SLC15A5: variants seen among roughly 807,000 people sequenced by gnomAD.
SLC15A5 encodes Peptide/histidine transporter ENSP00000340402.
A neutral mutation model predicts 56.1 loss-of-function variants in SLC15A5; 58 were observed. The ratio of observed to expected loss-of-function variants is 1.03; its 90% CI spans 0.84 to 1.29. The LOEUF is 1.29. Ranked by LOEUF, SLC15A5 falls within the 50% of genes most tolerant of loss-of-function variation. The pLI is 0.00. For synonymous variants in SLC15A5, 264 were observed against 250.5 expected, an observed-to-expected ratio of 1.05 and a Z score of -0.51; for missense variants, 681 against 672.1, an observed-to-expected ratio of 1.01 and a Z score of -0.15.
intron 1 of SLC15A5, among the ~76,000 whole-genome samples, chr12:16,276,813 G>C (rs1273909319): frequency 2.0e-5 from 3 of 151,868 alleles, no homozygotes; most frequent in African/African-American, 2.4e-5. Flanking sequence ...CATTTCTAAA[G>C]CATATAATCA....
At chr12:16,256,751 C>T (rs1223868083) in intron 3 of SLC15A5, among the ~76,000 whole-genome samples, 1 of 151,560 alleles carries the variant, frequency 6.6e-6, no homozygotes, top group African/African-American at 2.4e-5. Context: ...CCCAGCTACT[C>T]GGGAGGCTGA....
chr12:16,261,243 A>G (rs147639319), intron 2 of SLC15A5, among the ~76,000 whole-genome samples: 79 of 151,840 alleles, frequency 5.2e-4, no homozygotes, highest in Middle Eastern at 3.4e-3. Context: ...ACCCCTTCTC[A>G]TTTCCCCTTC....
At chr12:16,190,018 C>G (rs1008360938) in intron 8 of SLC15A5, among the ~76,000 whole-genome samples, 4 of 152,140 alleles carry the variant, frequency 2.6e-5, no homozygotes, top group Non-Finnish European at 5.9e-5. Flanking sequence ...TAAAGTGTCT[C>G]ATAAGGACCT....
intron 5 of SLC15A5, among the ~76,000 whole-genome samples, chr12:16,228,301 G>A (rs988375917): frequency 6.6e-6 from 1 of 152,232 alleles, no homozygotes; most frequent in African/African-American, 2.4e-5. Flanking sequence ...GAATATCTAA[G>A]CAGTGCCTTC....
intron 5 of SLC15A5, among the ~76,000 whole-genome samples, chr12:16,225,346 A>C (rs1864230403): frequency 6.6e-6 from 1 of 152,232 alleles, no homozygotes; most frequent in African/African-American, 2.4e-5. Flanking sequence ...TCCCACCAAC[A>C]GTGGAAAAGT....
chr12:16,219,918 G>A (rs1864169521), intron 6 of SLC15A5, among the ~76,000 whole-genome samples: 1 of 152,122 alleles, frequency 6.6e-6, no homozygotes, highest in Non-Finnish European at 1.5e-5. Flanking sequence ...CGCTAAAAAT[G>A]TGCCTCCAGG....
In SLC15A5 at chr12:16,216,880, A is replaced by C. The variant is rs1482681946; in HGVS notation, c.1483+13T>G. 3 of 1,533,608 alleles carry C rather than the reference A, an allele frequency of 2.0e-6. No individual in the cohort carries two copies. Among genetic ancestry groups the C allele is most frequent in the Non-Finnish European group, 1.7e-6 (2 of 1,145,376 alleles). On this transcript the variant is annotated intron_variant, in intron 7 of 8. Transcript: ENST00000344941. ...ACTCAATGTATATAAGCATGCCACG[A>C]ACCTATTTTTACCATCTGAGATGAG...
chr12:16,246,253 G>A (rs967400891), intron 3 of SLC15A5, among the ~76,000 whole-genome samples: 1 of 152,198 alleles, frequency 6.6e-6, no homozygotes. Flanking sequence ...TACTGGTAAG[G>A]CCAAGAAGAC....
At chr12:16,193,459 A>G (rs568562613) in intron 8 of SLC15A5, among the ~76,000 whole-genome samples, 2 of 152,018 alleles carry the variant, frequency 1.3e-5, no homozygotes, top group African/African-American at 4.8e-5. Flanking sequence ...TTTCTGGTTT[A>G]TGACACCACC....
intron 5 of SLC15A5, among the ~76,000 whole-genome samples, chr12:16,226,125 G>A (rs1799506): frequency 1 from 151,711 of 152,348 alleles, 75,542 homozygotes; most frequent in Middle Eastern, 1. Context: ...AGTGTATTAT[G>A]TAAAACGGCT....
intron 2 of SLC15A5, among the ~76,000 whole-genome samples, chr12:16,261,710 A>G (rs978587949): frequency 6.6e-6 from 1 of 152,194 alleles, no homozygotes; most frequent in Non-Finnish European, 1.5e-5. Flanking sequence ...TGAGAGTTCT[A>G]ATCTCTTCAT....
rs559707166 is a variant in SLC15A5, at chr12:16,240,486, A to C, written c.976-619T>G. Among the ~76,000 whole-genome samples the C allele has an allele frequency of 3.3e-5, 5 of 152,266 alleles. No homozygotes were observed. In the East Asian group the frequency reaches 9.6e-4, roughly 29 times the overall value. On this transcript the variant is annotated intron_variant, in intron 4 of 8. Transcript: ENST00000344941. ...AACCTTGTGTCTTTGCCCTCCCTTCAAACTAATTACGTGATGCTAGAATTC... is the reference window on the plus strand; with the variant it reads ...AACCTTGTGTCTTTGCCCTCCCTTCCAACTAATTACGTGATGCTAGAATTC...
intron 2 of SLC15A5, among the ~76,000 whole-genome samples, chr12:16,260,631 T>C (rs1371737415): frequency 6.6e-6 from 1 of 152,066 alleles, no homozygotes; most frequent in Non-Finnish European, 1.5e-5. Context: ...CTCAATGATA[T>C]CTTTTGATAA....
At chr12:16,245,446 A>G (rs1316311577) in intron 3 of SLC15A5, among the ~76,000 whole-genome samples, 1 of 152,238 alleles carries the variant, frequency 6.6e-6, no homozygotes, top group East Asian at 1.9e-4. Context: ...CTGCACGATC[A>G]GAAGCGCTTT....
At chr12:16,205,503 A>T (rs1358543819) in intron 7 of SLC15A5, among the ~76,000 whole-genome samples, 3 of 147,116 alleles carry the variant, frequency 2.0e-5, no homozygotes, top group African/African-American at 5.0e-5. Flanking sequence ...ATTAGAAATA[A>T]CCTAAATATT....
At chr12:16,217,333 A>G (rs1864140468) in intron 6 of SLC15A5, among the ~76,000 whole-genome samples, 1 of 152,162 alleles carries the variant, frequency 6.6e-6, no homozygotes, top group African/African-American at 2.4e-5. Flanking sequence ...TAAATTTTGG[A>G]TAGAGGTGTG....
chr12:16,197,133 G>T (rs139408692), intron 7 of SLC15A5, among the ~76,000 whole-genome samples: 2 of 150,678 alleles, frequency 1.3e-5, no homozygotes, highest in African/African-American at 2.4e-5. Flanking sequence ...GCCATATTAC[G>T]TATTCAAACT....
Position 16,224,627 on chromosome 12 carries a change from A to C in SLC15A5, c.1163-25T>G, listed in dbSNP as rs764325628. ...ACTGAAGGAAAATAATGCAAAAGAA[A>C]AAAAAGTTAAACGAAGAGCTAGAGA... is the stretch of plus-strand genomic sequence containing the variant. On this transcript the variant is annotated intron_variant, in intron 5 of 8. Transcript: ENST00000344941. The C allele has an allele frequency of 1.3e-5, 20 of 1,516,404 alleles. No homozygotes were observed. The South Asian group carries it at 2.5e-4, about 19-fold the overall frequency. The allele number at this position is 1,516,404 out of a possible 1,614,324, so 93.9% of individuals were successfully genotyped here. A position where few individuals can be genotyped will look rare whatever the true frequency, so the allele number is the denominator to read the frequency against.
At chr12:16,205,799 A>G (rs1404001135) in intron 7 of SLC15A5, among the ~76,000 whole-genome samples, 2 of 151,922 alleles carry the variant, frequency 1.3e-5, no homozygotes, top group African/African-American at 4.8e-5. Flanking sequence ...TCTTTGGAGA[A>G]AGATGCAATA....
Sources: allele counts gnomAD v4.1 joint callset (sites outside exome capture counted in the v4.1 genomes callset), GRCh38; gene constraint gnomAD v4.1.1; transcripts MANE v1.5; gene names NCBI Gene and HGNC (gene_info 2026-07-23, HGNC 2026-07-21).